GPR155: variants seen among roughly 807,000 people sequenced by gnomAD.
The protein encoded by GPR155 is lysosomal cholesterol signaling protein.
Under a neutral mutation model 93.1 loss-of-function variants are expected in GPR155, and 65 were observed. The ratio of observed to expected loss-of-function variants is 0.70; its 90% CI spans 0.57 to 0.86. The LOEUF (loss-of-function observed/expected upper bound fraction) is 0.86. Among genes scored for constraint, GPR155 ranks in the 40% least tolerant of loss-of-function variants. The pLI is 0.00. For synonymous variants in GPR155, 319 were observed against 360.1 expected, an observed-to-expected ratio of 0.89 and a Z score of 1.29; for missense variants, 838 against 1,034.8, an observed-to-expected ratio of 0.81 and a Z score of 2.61.
chr2:174,468,246 C>A (rs1044166080), intron 5 of GPR155, among the ~76,000 whole-genome samples: 2 of 152,116 alleles, frequency 1.3e-5, no homozygotes, highest in African/African-American at 4.8e-5. Context: ...TTATCTGTTA[C>A]CAATATACAT....
Position 174,486,747 on chromosome 2 carries a change from G to A in GPR155, c.-32+126C>T, listed in dbSNP as rs1427701348. 8.5e-5 allele frequency: 13 copies of A among 153,098 alleles called. No homozygotes were observed. In the Admixed American group the frequency reaches 8.5e-4, roughly 10 times the overall value. The allele number at this position is 153,098 out of a possible 1,614,324, so 9.5% of individuals were successfully genotyped here. ...CAGCAGGTCCAGACAACGGGCCGCGGGGCCAGGGCGCAGAGGGTCGGCGGC... is the reference window on the plus strand; with the variant it reads ...CAGCAGGTCCAGACAACGGGCCGCGAGGCCAGGGCGCAGAGGGTCGGCGGC... On this transcript the variant is annotated intron_variant, in intron 1 of 15. Coordinates refer to ENST00000392552, the MANE Select transcript of GPR155 (RefSeq NM_152529.7).
rs138030516 is a variant in GPR155 at position 174,477,647 on chromosome 2, GC to G, written c.460+3849del. Among the ~76,000 whole-genome samples the G allele has an allele frequency of 1.6e-4, 25 of 152,164 alleles. No individual in the cohort carries two copies. In the East Asian group the frequency reaches 4.8e-3, roughly 29 times the overall value. Reference sequence around the variant, plus strand: ...ACATCTTTATCTATAAATTGGCAGTGCTTTTTTTTTGCTATCAATCTGAAGA... The same window carrying G: ...ACATCTTTATCTATAAATTGGCAGTGTTTTTTTTTGCTATCAATCTGAAGA... On this transcript the variant is annotated intron_variant, in intron 2 of 15. Coordinates refer to ENST00000392552, the MANE Select transcript of GPR155 (RefSeq NM_152529.7).
Position 174,481,371 on chromosome 2 carries a change from C to G in GPR155, c.460+126G>C. 4 of 616,626 alleles carry G rather than the reference C, an allele frequency of 6.5e-6. No individual in the cohort carries two copies. The East Asian group carries it at 1.1e-4, about 17-fold the overall frequency. 38.2% of individuals were successfully genotyped at this position (616,626 alleles called of 1,614,324 possible). On this transcript the variant is annotated intron_variant, in intron 2 of 15. Coordinates refer to ENST00000392552, the MANE Select transcript of GPR155 (RefSeq NM_152529.7). Reference sequence around the variant, plus strand: ...AGTTTAGGAAAAACTATGATTCATCCTAAGACATATTTGAGAAAAAAATGA... The same window carrying G: ...AGTTTAGGAAAAACTATGATTCATCGTAAGACATATTTGAGAAAAAAATGA...
chr2:174,458,797 A>G lies in GPR155; in HGVS notation c.1771+1081T>C, dbSNP rs190817788. Among the ~76,000 whole-genome samples, 11 of 152,270 alleles carry G rather than the reference A, an allele frequency of 7.2e-5. No individual in the cohort carries two copies. The East Asian group carries it at 2.1e-3, about 29-fold the overall frequency. ...CTTCAACCCTTTAAAAATGTAAAAA[A>G]CATTTTTAGGCTGGGTGCAGTGGCT... On this transcript the variant is annotated intron_variant, in intron 10 of 15. Transcript: ENST00000392552.
intron 1 of GPR155, among the ~76,000 whole-genome samples, chr2:174,486,583 G>A (rs1688488262): frequency 6.6e-6 from 1 of 152,218 alleles, no homozygotes; most frequent in Non-Finnish European, 1.5e-5. Context: ...GAAAGACAGG[G>A]TGGACGCCCG....
chr2:174,452,871 C>T (rs1687361803), intron 11 of GPR155, among the ~76,000 whole-genome samples: 1 of 152,098 alleles, frequency 6.6e-6, no homozygotes, highest in Admixed American at 6.5e-5. Flanking sequence ...AGGCTGGTCT[C>T]GAACTCCTGA....
At chr2:174,455,943 C>A (rs925014150) in intron 10 of GPR155, among the ~76,000 whole-genome samples, 2 of 151,716 alleles carry the variant, frequency 1.3e-5, no homozygotes, top group Non-Finnish European at 2.9e-5. Flanking sequence ...CAGGTTCAAG[C>A]GATTCTCATG....
rs1046241676 is a variant in GPR155 at position 174,432,458 on chromosome 2, A to T, written c.*3658T>A. 2 of 152,430 alleles carry T rather than the reference A, an allele frequency of 1.3e-5. No homozygotes were observed. The highest frequency in any genetic ancestry group is 6.5e-5 in the Admixed American group (1 of 15,278). The allele number at this position is 152,430 out of a possible 1,614,324, so 9.4% of individuals were successfully genotyped here. On this transcript the variant is annotated 3_prime_UTR_variant, in exon 16 of 16. Transcript: ENST00000392552. ...CAGATTCCATTCATGCAAATAACAGAAGTAGTATGACTTGTTCACAAACAA... is the reference window on the plus strand; with the variant it reads ...CAGATTCCATTCATGCAAATAACAGTAGTAGTATGACTTGTTCACAAACAA...
At chr2:174,474,645 T>C (rs190669881) in intron 2 of GPR155, among the ~76,000 whole-genome samples, 3 of 152,260 alleles carry the variant, frequency 2.0e-5, no homozygotes, top group Middle Eastern at 3.4e-3. Context: ...ACAAAGTATG[T>C]GTGCTGTATT....
intron 1 of GPR155, among the ~76,000 whole-genome samples, chr2:174,485,152 T>C (rs1559123968): frequency 6.6e-6 from 1 of 152,162 alleles, no homozygotes; most frequent in East Asian, 1.9e-4. Context: ...TACCAAACAA[T>C]TAAGATAAGT....
chr2:174,439,331 C>T (rs540249689), intron 15 of GPR155, among the ~76,000 whole-genome samples: 5 of 151,936 alleles, frequency 3.3e-5, no homozygotes, highest in South Asian at 2.1e-4. Flanking sequence ...CTGTATACTT[C>T]GTTTATAAAA....
rs1686736371 is a variant in GPR155 at position 174,435,086 on chromosome 2, A to G, written c.*1030T>C. ...CTCCTGCTAGTAATACACTTGCCAA[A>G]TTTGATAATTTATAGGAACAGTTAA... On this transcript the variant is annotated 3_prime_UTR_variant, in exon 16 of 16. Transcript: ENST00000392552. 1 of 152,242 alleles carries G rather than the reference A, an allele frequency of 6.6e-6. No individual in the cohort carries two copies. The highest frequency in any genetic ancestry group is 6.5e-5 in the Admixed American group (1 of 15,286). 9.4% of individuals were successfully genotyped at this position (152,242 alleles called of 1,614,324 possible).
intron 7 of GPR155, among the ~76,000 whole-genome samples, chr2:174,464,709 C>T (rs1360820221): frequency 2.0e-5 from 3 of 151,402 alleles, no homozygotes; most frequent in African/African-American, 7.3e-5. Flanking sequence ...GTTGGTCCAT[C>T]GATATTTTGA....
Position 174,468,884 on chromosome 2 carries a change from C to T in GPR155, c.1182+28G>A, listed in dbSNP as rs367615353. 792 of 1,579,070 alleles carry T rather than the reference C, an allele frequency of 5.0e-4. 1 individual carries two copies. Among genetic ancestry groups the T allele is most frequent in the Non-Finnish European group, 6.7e-4 (775 of 1,151,450 alleles). The stretch of plus-strand genomic sequence containing the variant: ...TTCTCAAAACTCATTCTGTGGTTTC[C>T]ATTCATTTTGGGATGCAACGTACTT... On this transcript the variant is annotated intron_variant, in intron 5 of 15. Coordinates refer to ENST00000392552, the MANE Select transcript of GPR155 (RefSeq NM_152529.7).
At position 174,432,780 on chromosome 2, in the gene GPR155, T is replaced by C; in HGVS notation, c.*3336A>G. ...CATGCAGGTTTTTTTTTTTTTTTTT[T>C]TGCGATGGAGTCTCACTCTGTCGCC... On this transcript the variant is annotated 3_prime_UTR_variant, in exon 16 of 16. Transcript: ENST00000392552. 1 of 129,068 alleles carries C rather than the reference T, an allele frequency of 7.7e-6. No individual in the cohort carries two copies. Among genetic ancestry groups the C allele is most frequent in the Admixed American group, 7.9e-5 (1 of 12,678 alleles). 8.0% of individuals were successfully genotyped at this position (129,068 alleles called of 1,614,324 possible). A position where few individuals can be genotyped will look rare whatever the true frequency, so the allele number is the denominator to read the frequency against.
At chr2:174,467,320 C>T (rs62175269) in intron 5 of GPR155, among the ~76,000 whole-genome samples, 42,262 of 151,966 alleles carry the variant, frequency 0.28, 6,727 homozygotes, top group East Asian at 0.58. Flanking sequence ...GCCAACATGG[C>T]GAAACCCCAC....
Position 174,468,915 on chromosome 2 carries a change from G to A in GPR155, c.1179C>T (p.Ser393=). ...TTTTGGGATGCAACGTACTTACCAA[G>A]GAGATCAGGCTGACAATACTTATAT... is the stretch of plus-strand genomic sequence containing the variant. ...SFDISIVSLI[S]LIWSLAILLL... Residue 393 remains serine, a synonymous_variant, in exon 5 of 16, where the codon TCC becomes TCT. Transcript: ENST00000392552. 3 of 1,613,274 alleles carry A rather than the reference G, an allele frequency of 1.9e-6. No homozygotes were observed. The highest frequency in any genetic ancestry group is 2.5e-6 in the Non-Finnish European group (3 of 1,179,336).
intron 11 of GPR155, among the ~76,000 whole-genome samples, chr2:174,451,722 T>C (rs1687326498): frequency 6.6e-6 from 1 of 152,178 alleles, no homozygotes; most frequent in Non-Finnish European, 1.5e-5. Flanking sequence ...CATGGCCTAT[T>C]GCAGCTGCAA....
intron 1 of GPR155, chr2:174,483,107 G>A (rs889407788): frequency 6.6e-6 from 1 of 152,140 alleles, no homozygotes; most frequent in South Asian, 2.1e-4. Context: ...ACGGAAGCAG[G>A]GACTATGCAT....
Sources: allele counts gnomAD v4.1 joint callset (sites outside exome capture counted in the v4.1 genomes callset), GRCh38; gene constraint gnomAD v4.1.1; transcripts MANE v1.5; gene names NCBI Gene and HGNC (gene_info 2026-07-23, HGNC 2026-07-21).